KANSL1L: variants seen among roughly 807,000 people sequenced by gnomAD.
KANSL1L encodes the protein KAT8 regulatory NSL complex subunit 1 like.
Under a neutral mutation model 108.6 loss-of-function variants are expected in KANSL1L, and 25 were observed. The ratio of observed to expected loss-of-function variants is 0.23; its 90% CI spans 0.17 to 0.32. The LOEUF (loss-of-function observed/expected upper bound fraction) is 0.32, where lower values mean the gene tolerates loss of function less well. Ranked by LOEUF, KANSL1L falls within the 10% of genes least tolerant of loss-of-function variation. The pLI is 1.00. For synonymous variants in KANSL1L, 405 were observed against 395.1 expected, an observed-to-expected ratio of 1.03 and a Z score of -0.30; for missense variants, 1,137 against 1,125.7, an observed-to-expected ratio of 1.01 and a Z score of -0.14.
chr2:210,151,659 T>C (rs1388278522), intron 2 of KANSL1L: 1 of 152,214 alleles, frequency 6.6e-6, no homozygotes. Flanking sequence ...GCTGAGTCTG[T>C]TTCTTCTTAA....
At chr2:210,079,670 G>GTGTGTATATATATATATATATATATGTA (rs2094572828) in intron 5 of KANSL1L, 2 of 16,626 alleles carry the variant, frequency 1.2e-4, no homozygotes, top group South Asian at 2.6e-3. Flanking sequence ...ATATATGTAT[G>GTGTGTATATATATATATATATATATGTA]TGTGTATATA....
rs571056091 is a variant in KANSL1L at position 210,056,603 on chromosome 2, C to T, written c.1756-12499G>A. 3.3e-5 allele frequency among the ~76,000 whole-genome samples: 5 copies of T among 152,192 alleles called. No homozygotes were observed. The East Asian group carries it at 5.8e-4, about 18-fold the overall frequency. On this transcript the variant is annotated intron_variant, in intron 6 of 14. Transcript: ENST00000281772. Reference sequence around the variant, plus strand: ...TCAAGCAATTCTTGTGCCTCAGCCTCCCAAGTAGCTGGGGTTACAGGCATG... The same window carrying T: ...TCAAGCAATTCTTGTGCCTCAGCCTTCCAAGTAGCTGGGGTTACAGGCATG...
rs529201182 is a variant in KANSL1L, at chr2:210,029,668, T to C, written c.2271+135A>G. 1.9e-5 allele frequency: 9 copies of C among 463,310 alleles called. No homozygotes were observed. In the Admixed American group the frequency reaches 3.6e-4, roughly 19 times the overall value. 28.7% of individuals were successfully genotyped at this position (463,310 alleles called of 1,614,324 possible). On this transcript the variant is annotated intron_variant, in intron 10 of 14. Transcript: ENST00000281772. ...TGTATGAATCAAATATATTGTTTTCTAACAAGATAGTTATAAATGTCTGTT... is the reference window on the plus strand; with the variant it reads ...TGTATGAATCAAATATATTGTTTTCCAACAAGATAGTTATAAATGTCTGTT...
intron 2 of KANSL1L, among the ~76,000 whole-genome samples, chr2:210,140,567 G>A (rs1256368207): frequency 6.6e-6 from 1 of 152,132 alleles, no homozygotes; most frequent in Admixed American, 6.6e-5. Flanking sequence ...TTTTCTCAAT[G>A]TATTTTGAAG....
intron 3 of KANSL1L, among the ~76,000 whole-genome samples, chr2:210,110,185 C>T (rs2094890574): frequency 6.6e-6 from 1 of 152,204 alleles, no homozygotes; most frequent in African/African-American, 2.4e-5. Context: ...TTCTCTGCTT[C>T]CTTGTGGGGA....
intron 8 of KANSL1L, among the ~76,000 whole-genome samples, chr2:210,038,328 C>A (rs566402087): frequency 6.6e-6 from 1 of 151,980 alleles, no homozygotes; most frequent in Non-Finnish European, 1.5e-5. Context: ...TTAAGCCACA[C>A]TGAACTTATA....
chr2:210,117,091 A>G (rs971082861), intron 3 of KANSL1L, among the ~76,000 whole-genome samples: 2 of 152,222 alleles, frequency 1.3e-5, no homozygotes, highest in African/African-American at 2.4e-5. Flanking sequence ...GAAAAATGCA[A>G]CTGACATTAT....
At chr2:210,109,107 G>A (rs1029917539) in intron 3 of KANSL1L, among the ~76,000 whole-genome samples, 1 of 151,912 alleles carries the variant, frequency 6.6e-6, no homozygotes, top group Non-Finnish European at 1.5e-5. Flanking sequence ...TTCTCTTAAT[G>A]TTTTCTCTGA....
chr2:210,029,042 A>G lies in KANSL1L; in HGVS notation c.2272-73T>C, dbSNP rs35264561. On this transcript the variant is annotated intron_variant, in intron 10 of 14. Transcript: ENST00000281772. ...TAATGATACCCTCCTTTCATCAGTT[A>G]TGTAAATATGGCAGTACACGTTACA... 1.2e-3 allele frequency: 1,460 copies of G among 1,225,920 alleles called. 13 individuals carry two copies. In the African/African-American group the frequency reaches 0.02, roughly 17 times the overall value. 75.9% of individuals were successfully genotyped at this position (1,225,920 alleles called of 1,614,324 possible).
In KANSL1L at chr2:210,087,897, T is replaced by A. The variant is rs563759212; in HGVS notation, c.1550+10189A>T. ...CCGTGATCTAATTCCAAAGTAATAT[T>A]CTTAACAATAAAAATTTTCTTCATA... On this transcript the variant is annotated intron_variant, in intron 5 of 14. Transcript: ENST00000281772. Among the ~76,000 whole-genome samples the A allele has an allele frequency of 1.2e-4, 18 of 152,278 alleles. 1 individual carries two copies. In the South Asian group the frequency reaches 3.7e-3, roughly 32 times the overall value.
intron 2 of KANSL1L, among the ~76,000 whole-genome samples, chr2:210,147,124 T>C (rs965822689): frequency 6.6e-6 from 1 of 152,198 alleles, no homozygotes; most frequent in Non-Finnish European, 1.5e-5. Context: ...CTTATTTTAA[T>C]TGAAGTACTA....
intron 1 of KANSL1L, among the ~76,000 whole-genome samples, chr2:210,157,110 C>T (rs746575858): frequency 5.9e-5 from 9 of 151,922 alleles, no homozygotes; most frequent in Non-Finnish European, 1.0e-4. Context: ...GTTACTTGAC[C>T]AACTCAAAGA....
At chr2:210,109,034 GTTCCA>G (rs1274954153) in intron 3 of KANSL1L, among the ~76,000 whole-genome samples, 1 of 151,800 alleles carries the variant, frequency 6.6e-6, no homozygotes, top group African/African-American at 2.4e-5. Flanking sequence ...CCTTTTTCTA[GTTCCA>G]TTGGTTCATC....
intron 1 of KANSL1L, among the ~76,000 whole-genome samples, chr2:210,158,283 T>C (rs114978514): frequency 0.015 from 2,293 of 152,298 alleles, 67 homozygotes; most frequent in African/African-American, 0.053. Context: ...TGCCATGTTA[T>C]GAGCTAGAAA....
In KANSL1L at chr2:210,023,123, T is replaced by G; in HGVS notation, c.2790A>C (p.Leu930Phe). ...GATCCTTTTTTTCATCTTGACATAA[T>G]AAGGCTGCCATGTCTTCACCCTTCA... ...FPLKGEDMAA[L>F]LCQDEKKDQV... The change falls in exon 15 of 15, where the codon TTA (leucine) becomes TTC (phenylalanine). Residue 930 changes from leucine to phenylalanine, a missense_variant. By Grantham distance (22) the Leu-to-Phe change is conservative (BLOSUM62 0). Coordinates refer to ENST00000281772, the MANE Select transcript of KANSL1L (RefSeq NM_152519.4). 1.2e-6 allele frequency: 2 copies of G among 1,614,064 alleles called. No individual in the cohort carries two copies. Among genetic ancestry groups the G allele is most frequent in the Non-Finnish European group, 1.7e-6 (2 of 1,179,952 alleles).
chr2:210,026,686 A>C (rs1340078630), intron 12 of KANSL1L, among the ~76,000 whole-genome samples: 1 of 152,236 alleles, frequency 6.6e-6, no homozygotes, highest in East Asian at 1.9e-4. Context: ...CATGCAGAAA[A>C]ATATAATTAA....
chr2:210,110,552 G>C (rs2094893670), intron 3 of KANSL1L, among the ~76,000 whole-genome samples: 1 of 152,142 alleles, frequency 6.6e-6, no homozygotes, highest in African/African-American at 2.4e-5. Context: ...ACAGGACAAA[G>C]TCTAAGCAGA....
intron 6 of KANSL1L, among the ~76,000 whole-genome samples, chr2:210,073,908 G>A (rs1310270780): frequency 2.6e-5 from 4 of 151,934 alleles, no homozygotes; most frequent in African/African-American, 9.7e-5. Context: ...CTATCAGACA[G>A]GTACTCTTCA....
In KANSL1L at chr2:210,031,167, G is replaced by A. The variant is rs763956482; in HGVS notation, c.2155+254C>T. The A allele has an allele frequency of 3.9e-4, 132 of 340,686 alleles. 1 individual carries two copies. Among genetic ancestry groups the A allele is most frequent in the Non-Finnish European group, 2.3e-4 (44 of 187,916 alleles). 21.1% of individuals were successfully genotyped at this position (340,686 alleles called of 1,614,324 possible). On this transcript the variant is annotated intron_variant, in intron 9 of 14. Transcript: ENST00000281772. ...CTTTGAAGATTAAATCCCATCCAGG[G>A]ACTGATTGGTAGAAGACAACTAGTC...
Sources: allele counts gnomAD v4.1 joint callset (sites outside exome capture counted in the v4.1 genomes callset), GRCh38; gene constraint gnomAD v4.1.1; transcripts MANE v1.5; gene names NCBI Gene and HGNC (gene_info 2026-07-23, HGNC 2026-07-21).